The following CCDC85A variants were observed in gnomAD, a reference collection of about 807,000 sequenced individuals.
CCDC85A encodes the protein coiled-coil domain-containing protein 85A.
CCDC85A carries 38 observed loss-of-function variants against 50.2 expected under a neutral mutation model. The ratio of observed to expected loss-of-function variants is 0.76; its 90% confidence interval spans 0.58 to 0.99. CCDC85A has a LOEUF of 0.99. CCDC85A is among the 50% of genes least tolerant of loss of function. The pLI is 0.00. For synonymous variants in CCDC85A, 366 were observed against 301.4 expected (o/e 1.21, Z -2.22); for missense variants, 820 against 742.0 (o/e 1.11, Z -1.22).
intron 2 of CCDC85A, among the ~76,000 whole-genome samples, chr2:56,311,898 C>A (rs1377354315): frequency 6.6e-6 from 1 of 152,054 alleles, no homozygotes; most frequent in Admixed American, 6.6e-5. Flanking sequence ...CCAGCACAAA[C>A]CTCCTGAACC....
chr2:56,184,854 T>C lies in CCDC85A; in HGVS notation c.230T>C (p.Val77Ala), dbSNP rs1435927135. ...MLDHSNLIREVNRRLQLHLGE... is the reference protein window; with the variant it reads ...MLDHSNLIREANRRLQLHLGE... ...GACCACAGCAACCTCATCCGCGAGG[T>C]GAACCGCCGCCTGCAGCTGCACCTC... The change falls in exon 1 of 6, where the codon GTG becomes GCG. Residue 77 changes from valine (V) to alanine (A), a missense_variant. Coordinates refer to ENST00000407595, the MANE Select transcript of CCDC85A (RefSeq NM_001080433.2). 1 of 1,537,966 alleles carries C rather than the reference T, an allele frequency of 6.5e-7. No homozygotes were observed. Among genetic ancestry groups the C allele is most frequent in the South Asian group, 1.2e-5 (1 of 83,136 alleles).
chr2:56,204,773 T>C (rs1393985652), intron 2 of CCDC85A, among the ~76,000 whole-genome samples: 1 of 152,168 alleles, frequency 6.6e-6, no homozygotes, highest in Admixed American at 6.5e-5. Flanking sequence ...TAAAGAACCA[T>C]TGTTCTACCT....
chr2:56,240,673 C>T (rs1362158861), intron 2 of CCDC85A, among the ~76,000 whole-genome samples: 1 of 152,158 alleles, frequency 6.6e-6, no homozygotes, highest in African/African-American at 2.4e-5. Context: ...GCAACTCCTT[C>T]TTAGCATACT....
intron 2 of CCDC85A, among the ~76,000 whole-genome samples, chr2:56,198,697 A>T (rs1351540702): frequency 6.6e-6 from 1 of 152,234 alleles, no homozygotes; most frequent in Non-Finnish European, 1.5e-5. Context: ...GTACAGTGTA[A>T]GGTTTTCAAC....
At chr2:56,345,234 A>G (rs778064381) in intron 3 of CCDC85A, among the ~76,000 whole-genome samples, 2 of 152,244 alleles carry the variant, frequency 1.3e-5, no homozygotes, top group Middle Eastern at 3.4e-3. Context: ...GCTAGGAAAG[A>G]TCATGTTTTA....
At chr2:56,212,405 C>T (rs1478349108) in intron 2 of CCDC85A, among the ~76,000 whole-genome samples, 1 of 147,612 alleles carries the variant, frequency 6.8e-6, no homozygotes, top group Non-Finnish European at 1.5e-5. Context: ...CCCATGAACC[C>T]ATTCCAAAAT....
At chr2:56,243,634 C>G (rs1291189095) in intron 2 of CCDC85A, among the ~76,000 whole-genome samples, 1 of 152,080 alleles carries the variant, frequency 6.6e-6, no homozygotes, top group Non-Finnish European at 1.5e-5. Context: ...AGGCTTGGCC[C>G]CTGGTTCCTT....
intron 2 of CCDC85A, among the ~76,000 whole-genome samples, chr2:56,314,323 C>T (rs1672824614): frequency 6.6e-6 from 1 of 151,718 alleles, no homozygotes; most frequent in Admixed American, 6.6e-5. Flanking sequence ...GATCCCTGCT[C>T]TTCCACATAC....
intron 2 of CCDC85A, among the ~76,000 whole-genome samples, chr2:56,316,388 C>T (rs1484347352): frequency 1.3e-5 from 2 of 152,106 alleles, no homozygotes; most frequent in Admixed American, 6.6e-5. Context: ...CTGTTTTATA[C>T]TGGGTCTGAG....
intron 2 of CCDC85A, among the ~76,000 whole-genome samples, chr2:56,268,501 AGGAGAATCGCTTGAACCTG>A (rs978309408): frequency 6.6e-6 from 1 of 151,328 alleles, no homozygotes; most frequent in African/African-American, 2.4e-5. Context: ...AGGCTGAGGC[AGGAGAATCGCTTGAACCTG>A]GGAGGCGGAG....
chr2:56,251,806 A>G (rs959931910), intron 2 of CCDC85A, among the ~76,000 whole-genome samples: 20 of 152,068 alleles, frequency 1.3e-4, no homozygotes, highest in African/African-American at 4.1e-4. Context: ...GCACTACTCC[A>G]GGATGGGCAC....
chr2:56,247,203 A>G (rs1235714396), intron 2 of CCDC85A, among the ~76,000 whole-genome samples: 1 of 152,198 alleles, frequency 6.6e-6, no homozygotes, highest in Non-Finnish European at 1.5e-5. Context: ...ACCAGAACAC[A>G]GTGGTCACTA....
At chr2:56,304,396 A>G (rs567873607) in intron 2 of CCDC85A, among the ~76,000 whole-genome samples, 1 of 152,314 alleles carries the variant, frequency 6.6e-6, no homozygotes, top group East Asian at 1.9e-4. Context: ...ATGCATAAAA[A>G]TTTGACTTTT....
At chr2:56,209,678 G>T (rs1677107200) in intron 2 of CCDC85A, among the ~76,000 whole-genome samples, 1 of 152,088 alleles carries the variant, frequency 6.6e-6, no homozygotes, top group South Asian at 2.1e-4. Context: ...GGGGACCTAA[G>T]TTAGGTTGCG....
At chr2:56,253,079 T>G (rs1558607334) in intron 2 of CCDC85A, among the ~76,000 whole-genome samples, 1 of 152,176 alleles carries the variant, frequency 6.6e-6, no homozygotes, top group East Asian at 1.9e-4. Context: ...AGAAGAAGAC[T>G]GTTCTTATTA....
intron 3 of CCDC85A, among the ~76,000 whole-genome samples, chr2:56,346,790 T>C (rs1391629531): frequency 1.3e-5 from 2 of 152,222 alleles, no homozygotes; most frequent in Non-Finnish European, 2.9e-5. Flanking sequence ...GGGAACATTT[T>C]TTACAGATCA....
chr2:56,329,874 T>A (rs1039267011), intron 2 of CCDC85A, among the ~76,000 whole-genome samples: 3 of 149,572 alleles, frequency 2.0e-5, no homozygotes, highest in Non-Finnish European at 4.4e-5. Context: ...AAAGGCACGC[T>A]AATTGTCCTA....
At chr2:56,201,124 A>G (rs989705627) in intron 2 of CCDC85A, among the ~76,000 whole-genome samples, 24 of 144,380 alleles carry the variant, frequency 1.7e-4, no homozygotes, top group Middle Eastern at 3.5e-3. Context: ...ACACACACAC[A>G]CGTACATACA....
In CCDC85A at chr2:56,192,436, A is replaced by C. The variant is rs377638520; in HGVS notation, c.277-41A>C. The C allele has an allele frequency of 1.3e-6, 2 of 1,563,236 alleles. No individual in the cohort carries two copies. The highest frequency in any genetic ancestry group is 1.8e-5 in the Admixed American group (1 of 54,688). On this transcript the variant is annotated intron_variant, in intron 1 of 5. Coordinates refer to ENST00000407595, the MANE Select transcript of CCDC85A (RefSeq NM_001080433.2). This position sits in a 1 kb window ranked among gnomAD's most constrained non-coding sequence, Gnocchi z 4.7. ...GGAAGTCTGAGCCTGCTGACACCTC[A>C]GATGTGTACTTCCCTTGAATGGTTG...
Sources: gnomAD v4.1 joint callset for allele counts (sites outside exome capture counted in the v4.1 genomes callset) on GRCh38, gnomAD v4.1.1 for gene constraint, Gnocchi (gnomAD v3.1) non-coding constraint, MANE v1.5 for transcripts, NCBI Gene and HGNC (gene_info 2026-07-23, HGNC 2026-07-21) for gene names.